The following PACSIN3 variants were observed in gnomAD, a reference collection of about 807,000 sequenced individuals.
PACSIN3 encodes the protein protein kinase C and casein kinase substrate in neurons 3, also known as protein kinase C and casein kinase substrate in neurons protein 3.
In PACSIN3, 34 loss-of-function variants were observed where a neutral mutation model predicts 56.1. That is an observed-to-expected ratio of 0.61 (90% confidence interval 0.46 to 0.81). PACSIN3 has a LOEUF of 0.81. Among genes scored for constraint, PACSIN3 ranks in the 30% least tolerant of loss-of-function variants. The pLI, the probability that PACSIN3 is intolerant of heterozygous loss-of-function variation, is 0.00. For missense variants in PACSIN3, 535 were observed against 592.4 expected (o/e 0.90, Z 1.01); for synonymous variants, 218 against 229.8 (o/e 0.95, Z 0.46).
At position 47,178,035 on chromosome 11, in the gene PACSIN3, G is replaced by T; in HGVS notation, c.1171C>A (p.Leu391Met). 6.2e-7 allele frequency: 1 copy of T among 1,613,678 alleles called. No homozygotes were observed. Among genetic ancestry groups the T allele is most frequent in the Non-Finnish European group, 8.5e-7 (1 of 1,179,738 alleles). The stretch of plus-strand genomic sequence containing the variant: ...TGCTCGTCCTCCTCACTCATCTTCA[G>T]CAGCTCCTCCCCTGGGGGAAAGGGG... ...ELSFRAGEEL[L>M]KMSEEDEQGW... The change falls in exon 11 of 11, where the codon CTG becomes ATG. Residue 391 changes from leucine (L) to methionine (M), a missense_variant. Coordinates refer to ENST00000298838, the MANE Select transcript of PACSIN3 (RefSeq NM_016223.5). The surrounding 1 kb of genome is among the most constrained non-coding windows in gnomAD (Gnocchi z 4.2).
rs367746563 is a variant in PACSIN3 at position 47,180,505 on chromosome 11, C to T, written c.397G>A (p.Glu133Lys). ...LGGFRESRAA[E>K]DGFRKAQKPW... is the part of the protein sequence containing the mutation. ...TTCTGGGCCTTGCGGAAGCCGTCCTCGGCCGCCCGGCTCTCGCGGAAGCCG... is the reference window on the plus strand; with the variant it reads ...TTCTGGGCCTTGCGGAAGCCGTCCTTGGCCGCCCGGCTCTCGCGGAAGCCG... Residue 133 changes from glutamate (E) to lysine (K), a missense_variant, in exon 5 of 11, where the codon GAG becomes AAG. Coordinates refer to ENST00000298838, the MANE Select transcript of PACSIN3 (RefSeq NM_016223.5). The T allele has an allele frequency of 4.2e-5, 67 of 1,603,932 alleles. No individual in the cohort carries two copies. The highest frequency in any genetic ancestry group is 5.1e-5 in the Non-Finnish European group (60 of 1,179,026).
intron 1 of PACSIN3, chr11:47,185,894 G>GCC (rs1241920490): frequency 6.6e-6 from 1 of 152,258 alleles, no homozygotes; most frequent in Admixed American, 6.5e-5. Context: ...CGGGGGTGGG[G>GCC]CCACTGATCA....
At chr11:47,180,963 G>C (rs1160801664) in intron 4 of PACSIN3, among the ~76,000 whole-genome samples, 3 of 152,196 alleles carry the variant, frequency 2.0e-5, no homozygotes, top group African/African-American at 4.8e-5. Context: ...AAGCATTATG[G>C]CTACAACAGG....
Position 47,186,401 on chromosome 11 carries a change from G to C in PACSIN3, c.-156C>G, listed in dbSNP as rs1291775552. 5 of 151,126 alleles carry C rather than the reference G, an allele frequency of 3.3e-5. No homozygotes were observed. The highest frequency in any genetic ancestry group is 4.4e-5 in the Non-Finnish European group (3 of 67,684). 9.4% of individuals were successfully genotyped at this position (151,126 alleles called of 1,614,324 possible). ...TGGGGGTCCGGCCACGCTCCGGCCC[G>C]AGTCCTGCCGCTCCTGGGCCCGCGC... On this transcript the variant is annotated 5_prime_UTR_variant, in exon 1 of 11. Coordinates refer to ENST00000298838, the MANE Select transcript of PACSIN3 (RefSeq NM_016223.5). This position sits in a 1 kb window ranked among gnomAD's most constrained non-coding sequence, Gnocchi z 4.5.
Position 47,178,495 on chromosome 11 carries a change from G to A in PACSIN3, c.1038-8C>T, listed in dbSNP as rs973849031. The A allele has an allele frequency of 2.5e-6, 4 of 1,613,136 alleles. No individual in the cohort carries two copies. Among genetic ancestry groups the A allele is most frequent in the Admixed American group, 1.7e-5 (1 of 59,962 alleles). On this transcript the variant is annotated splice_region_variant and splice_polypyrimidine_tract_variant and intron_variant, in intron 9 of 10. Coordinates refer to ENST00000298838, the MANE Select transcript of PACSIN3 (RefSeq NM_016223.5). The surrounding 1 kb of genome is among the most constrained non-coding windows in gnomAD (Gnocchi z 4.2). ...TCCTCATCCTGCCCCGTGCTGGAGAGGGGAGGCAAAGGGAGCAGCTCAGAG... is the reference window on the plus strand; with the variant it reads ...TCCTCATCCTGCCCCGTGCTGGAGAAGGGAGGCAAAGGGAGCAGCTCAGAG...
At chr11:47,180,794 G>C in intron 4 of PACSIN3, 104 bp from the exon 5 acceptor site, 5 of 821,504 alleles carry the variant, frequency 6.1e-6, no homozygotes, top group Non-Finnish European at 9.3e-6. Context: ...ACGCGCATGG[G>C]GTGCAAAGGT....
Position 47,177,898 on chromosome 11 carries a change from T to C in PACSIN3, c.*33A>G, listed in dbSNP as rs780303384. The C allele has an allele frequency of 6.6e-7, 1 of 1,523,710 alleles. No homozygotes were observed. The highest frequency in any genetic ancestry group is 1.7e-5 in the Admixed American group (1 of 59,854). The allele number at this position is 1,523,710 out of a possible 1,614,324, so 94.4% of individuals were successfully genotyped here. On this transcript the variant is annotated 3_prime_UTR_variant, in exon 11 of 11. Transcript: ENST00000298838. Reference sequence around the variant, plus strand: ...GGAGAAGCTGGGCTCTGAACCAGGGTGGGTAAACGTTGCAGAAGGGCTGTC... The same window carrying C: ...GGAGAAGCTGGGCTCTGAACCAGGGCGGGTAAACGTTGCAGAAGGGCTGTC...
intron 1 of PACSIN3, among the ~76,000 whole-genome samples, chr11:47,183,850 C>T (rs1364164970): frequency 6.6e-6 from 1 of 152,140 alleles, no homozygotes; most frequent in African/African-American, 2.4e-5. Flanking sequence ...GGAGGAACCT[C>T]GTCTCTACTA....
At chr11:47,183,715 T>C (rs1259772346) in intron 1 of PACSIN3, among the ~76,000 whole-genome samples, 1 of 152,188 alleles carries the variant, frequency 6.6e-6, no homozygotes, top group African/African-American at 2.4e-5. Context: ...TGAGAAGCGA[T>C]GGCCAACTAT....
In PACSIN3 at chr11:47,178,098, C is replaced by A. The variant is rs374624707; in HGVS notation, c.1160-52G>T. On this transcript the variant is annotated intron_variant, in intron 10 of 10. Transcript: ENST00000298838. This position sits in a 1 kb window ranked among gnomAD's most constrained non-coding sequence, Gnocchi z 4.2. ...CAGTGGCCCTGGCCCAGGCCCTGTT[C>A]CTGCAACTGGGTCAAGGACTGAGGG... 1 of 1,493,962 alleles carries A rather than the reference C, an allele frequency of 6.7e-7. No individual in the cohort carries two copies. Among genetic ancestry groups the A allele is most frequent in the East Asian group, 2.3e-5 (1 of 43,134 alleles). The allele number at this position is 1,493,962 out of a possible 1,614,324, so 92.5% of individuals were successfully genotyped here.
At chr11:47,180,767 G>A in intron 4 of PACSIN3, 77 bp from the exon 5 acceptor site, 1 of 1,144,614 alleles carries the variant, frequency 8.7e-7, no homozygotes, top group African/African-American at 1.5e-5. Context: ...TGGGTGTGAG[G>A]CATGGAGGCA....
rs1953006816 is a variant in PACSIN3, at chr11:47,180,715, C to T, written c.212-25G>A. 3.2e-6 allele frequency: 5 copies of T among 1,565,314 alleles called. No homozygotes were observed. The South Asian group carries it at 4.6e-5, about 14-fold the overall frequency. On this transcript the variant is annotated intron_variant, in intron 4 of 10. Transcript: ENST00000298838. ...CCTGCAGGGAGGGACAGGGCTTAGG[C>T]CAGGCCTGGGTACCACCCAAAATGA...
chr11:47,180,449 C>T lies in PACSIN3; in HGVS notation c.447+6G>A, dbSNP rs1952998369. 6.3e-7 allele frequency: 1 copy of T among 1,595,560 alleles called. No homozygotes were observed. The highest frequency in any genetic ancestry group is 1.3e-5 in the African/African-American group (1 of 74,818). The stretch of plus-strand genomic sequence containing the variant: ...TGTCTCGGATACCTCCCCCACCCAG[C>T]CTCACCTCCTTCAGCCTCTTCAGCC... On this transcript the variant is annotated splice_donor_region_variant and intron_variant, in intron 5 of 10. Coordinates refer to ENST00000298838, the MANE Select transcript of PACSIN3 (RefSeq NM_016223.5).
At position 47,179,390 on chromosome 11, in the gene PACSIN3, T is replaced by C. The variant is rs781069008; in HGVS notation, c.779+21A>G. ...GACCCAGTACTACCCCAGATCTCCA[T>C]GCCCACCAGGCAGTTCATACTTCTC... is the stretch of plus-strand genomic sequence containing the variant. On this transcript the variant is annotated intron_variant, in intron 7 of 10. Coordinates refer to ENST00000298838, the MANE Select transcript of PACSIN3 (RefSeq NM_016223.5). This position sits in a 1 kb window ranked among gnomAD's most constrained non-coding sequence, Gnocchi z 4.4. 9 of 1,613,734 alleles carry C rather than the reference T, an allele frequency of 5.6e-6. No homozygotes were observed. The highest frequency in any genetic ancestry group is 7.6e-6 in the Non-Finnish European group (9 of 1,179,814).
chr11:47,185,174 CGA>C (rs1357968937), intron 1 of PACSIN3: 4 of 128,710 alleles, frequency 3.1e-5, no homozygotes, highest in African/African-American at 2.9e-5. Flanking sequence ...CGTTCGGCTC[CGA>C]GAGGTCTTCC....
chr11:47,181,892 C>G (rs755218768), intron 4 of PACSIN3, among the ~76,000 whole-genome samples: 1 of 152,046 alleles, frequency 6.6e-6, no homozygotes, highest in Non-Finnish European at 1.5e-5. Flanking sequence ...GTGGCTCACG[C>G]CTGTAATCCC....
chr11:47,181,634 A>C (rs1044352851), intron 4 of PACSIN3, among the ~76,000 whole-genome samples: 1 of 152,084 alleles, frequency 6.6e-6, no homozygotes, highest in East Asian at 1.9e-4. Context: ...AACCAGTCTG[A>C]GCAACATAGC....
At chr11:47,185,370 G>C (rs1395623043) in intron 1 of PACSIN3, 1 of 152,412 alleles carries the variant, frequency 6.6e-6, no homozygotes, top group Non-Finnish European at 1.5e-5. Context: ...CCCATCCCTG[G>C]AACCTGAGTC....
chr11:47,180,673 G>A lies in PACSIN3; in HGVS notation c.229C>T (p.Leu77=). ...TVEKGPQYGT[L]EKAWHAFFTA... The stretch of plus-strand genomic sequence containing the variant: ...AAAAAGGCATGCCAGGCCTTCTCCA[G>A]TGTGCCATACTGGGGGCCTGCAGGG... Residue 77 remains leucine (L), a synonymous_variant, in exon 5 of 11, where the codon CTG becomes TTG. Transcript: ENST00000298838. 1 of 1,600,604 alleles carries A rather than the reference G, an allele frequency of 6.2e-7. No individual in the cohort carries two copies. The highest frequency in any genetic ancestry group is 1.1e-5 in the South Asian group (1 of 90,814).
Sources: gnomAD v4.1 joint callset for allele counts (sites outside exome capture counted in the v4.1 genomes callset) on GRCh38, gnomAD v4.1.1 for gene constraint, Gnocchi (gnomAD v3.1) non-coding constraint, MANE v1.5 for transcripts, NCBI Gene and HGNC (gene_info 2026-07-23, HGNC 2026-07-21) for gene names.